The following COX15 variants were observed in gnomAD, a reference collection of about 807,000 sequenced individuals.
The protein encoded by COX15 is heme A synthase COX15.
Under a neutral mutation model 51.9 loss-of-function variants are expected in COX15, and 51 were observed. The observed-to-expected ratio is 0.98, with a 90% CI of 0.78 to 1.24. COX15 has a LOEUF of 1.24. Among genes scored for constraint, COX15 ranks in the 50% most tolerant of loss-of-function variants. The pLI is 0.00. For synonymous variants in COX15, 188 were observed against 190.5 expected, an observed-to-expected ratio of 0.99 and a Z score of 0.11; for missense variants, 420 against 501.1, an observed-to-expected ratio of 0.84 and a Z score of 1.55.
At position 99,729,606 on chromosome 10, in the gene COX15, G is replaced by A. The variant is rs561419279; in HGVS notation, c.219C>T (p.Leu73=). 1.2e-6 allele frequency: 2 copies of A among 1,613,886 alleles called. No individual in the cohort carries two copies. The highest frequency in any genetic ancestry group is 1.7e-6 in the Non-Finnish European group (2 of 1,179,996). ...CAGCCACTGTTCCACTGCAGACCAGGAGCCATCGGCCCACCACCCGCTCAG... is the reference window on the plus strand; with the variant it reads ...CAGCCACTGTTCCACTGCAGACCAGAAGCCATCGGCCCACCACCCGCTCAG... The part of the protein sequence containing the change: ...KAAERVVGRW[L]LVCSGTVAGA... Residue 73 remains leucine, a synonymous_variant, in exon 2 of 9, where the codon CTC becomes CTT. Transcript: ENST00000016171.
chr10:99,717,027 C>T (rs2036601178), intron 7 of COX15, among the ~76,000 whole-genome samples: 1 of 152,162 alleles, frequency 6.6e-6, no homozygotes, highest in Admixed American at 6.5e-5. Flanking sequence ...ATTTATTTCA[C>T]TTCATTTCCT....
In COX15 at chr10:99,713,430, C is replaced by A. The variant is rs2036462932; in HGVS notation, c.*1157G>T. On this transcript the variant is annotated 3_prime_UTR_variant, in exon 9 of 9. Coordinates refer to ENST00000016171, the MANE Select transcript of COX15 (RefSeq NM_078470.6). The stretch of plus-strand genomic sequence containing the variant: ...ATCCTCAAATCAGATGTTTCTGATG[C>A]CTTCATCCAAATCACTGATTTTAAA... The A allele has an allele frequency of 6.2e-7, 1 of 1,613,788 alleles. No homozygotes were observed. Among genetic ancestry groups the A allele is most frequent in the African/African-American group, 1.3e-5 (1 of 74,904 alleles).
chr10:99,715,889 G>T (rs1175291681), intron 8 of COX15, among the ~76,000 whole-genome samples: 1 of 151,328 alleles, frequency 6.6e-6, no homozygotes, highest in African/African-American at 2.4e-5. Flanking sequence ...TGTTTTTGTG[G>T]TAATTGTGTA....
the COX15 span, among the ~76,000 whole-genome samples, chr10:99,701,557 G>A: frequency 6.6e-6 from 1 of 151,452 alleles, no homozygotes; most frequent in African/African-American, 2.4e-5. Flanking sequence ...CAGAGTGCTA[G>A]GATTACAGGT....
chr10:99,704,362 G>T, the COX15 span: 4 of 1,267,108 alleles, frequency 3.2e-6, no homozygotes, highest in Non-Finnish European at 4.5e-6. Context: ...GAATAAATGT[G>T]ATAACACTAC....
At chr10:99,696,246 G>A in the COX15 span, 1 of 1,136,892 alleles carries the variant, frequency 8.8e-7, no homozygotes, top group Non-Finnish European at 1.2e-6. Context: ...GACTACCCCT[G>A]CCAATGGGGT....
Position 99,718,407 on chromosome 10 carries a change from G to A in COX15, c.926C>T (p.Ser309Phe), listed in dbSNP as rs1278838654. The A allele has an allele frequency of 1.9e-5, 30 of 1,613,972 alleles. No individual in the cohort carries two copies. Among genetic ancestry groups the A allele is most frequent in the South Asian group, 2.2e-5 (2 of 91,082 alleles). Reference protein sequence around the residue: ...SWIPEDLFTFSPILRNVFENP... With the variant: ...SWIPEDLFTFFPILRNVFENP... Reference sequence around the variant, plus strand: ...CTCAAAAACATTCCTCAGGATGGGGGAGAAGGTAAAGAGGTCCTCCGGGAT... The same window carrying A: ...CTCAAAAACATTCCTCAGGATGGGGAAGAAGGTAAAGAGGTCCTCCGGGAT... The change falls in exon 7 of 9, where the codon TCC becomes TTC. Residue 309 changes from serine to phenylalanine, a missense_variant. Physicochemically the swap from Ser to Phe is radical, Grantham distance 155. Coordinates refer to ENST00000016171, the MANE Select transcript of COX15 (RefSeq NM_078470.6).
At chr10:99,724,214 C>G in intron 4 of COX15, 91 bp from the exon 5 acceptor site, 1 of 1,413,682 alleles carries the variant, frequency 7.1e-7, no homozygotes, top group Non-Finnish European at 9.9e-7. Flanking sequence ...GACAGAGTCT[C>G]ACTCTGTCAC....
chr10:99,728,351 C>G (rs1235149334), intron 2 of COX15, among the ~76,000 whole-genome samples: 1 of 152,160 alleles, frequency 6.6e-6, no homozygotes, highest in African/African-American at 2.4e-5. Flanking sequence ...AACCTATGAT[C>G]TCATAATGAG....
downstream of COX15, among the ~76,000 whole-genome samples, chr10:99,706,723 C>A (rs1384388153): frequency 6.6e-6 from 1 of 152,016 alleles, no homozygotes; most frequent in African/African-American, 2.4e-5. Context: ...ATTGCTTTTT[C>A]TTTTATTATC....
intron 6 of COX15, among the ~76,000 whole-genome samples, chr10:99,720,747 A>G (rs576183674): frequency 6.6e-6 from 1 of 152,342 alleles, no homozygotes; most frequent in East Asian, 1.9e-4. Context: ...TAGTGAAGCC[A>G]GGATTTGAAC....
chr10:99,696,759 A>G, the COX15 span, among the ~76,000 whole-genome samples: 1 of 152,192 alleles, frequency 6.6e-6, no homozygotes, highest in Non-Finnish European at 1.5e-5. Flanking sequence ...ATCATTAAGC[A>G]CACTGAAGGA....
downstream of COX15, among the ~76,000 whole-genome samples, chr10:99,708,509 C>G (rs117445346): frequency 7.9e-5 from 12 of 152,124 alleles, no homozygotes; most frequent in Non-Finnish European, 1.6e-4. Flanking sequence ...ATCTCTGGTT[C>G]GGTTCTCATC....
chr10:99,727,535 C>G lies in COX15; in HGVS notation c.301G>C (p.Asp101His). 6.2e-7 allele frequency: 1 copy of G among 1,613,870 alleles called. No individual in the cohort carries two copies. Among genetic ancestry groups the G allele is most frequent in the Non-Finnish European group, 8.5e-7 (1 of 1,180,022 alleles). ...RLTESGLSMVDWHLIKEMKPP... is the reference protein window; with the variant it reads ...RLTESGLSMVHWHLIKEMKPP... ...TTCATCTCCTTTATTAAATGCCAAT[C>G]TACCATCGAGAGGCCAGACTCTGTC... The change falls in exon 3 of 9, where the codon GAT (aspartate) becomes CAT (histidine). Residue 101 changes from aspartate to histidine, a missense_variant. By Grantham distance (81) the Asp-to-His change is moderately conservative. Transcript: ENST00000016171.
chr10:99,715,635 T>A (rs1315537872), intron 8 of COX15, among the ~76,000 whole-genome samples: 2 of 145,518 alleles, frequency 1.4e-5, no homozygotes, highest in East Asian at 2.0e-4. Context: ...TGAGACTCCA[T>A]CTCTAAAAAA....
At chr10:99,729,401 A>G in intron 2 of COX15, 152 bp downstream of exon 2, 1 of 802,774 alleles carries the variant, frequency 1.2e-6, no homozygotes, top group Non-Finnish European at 2.1e-6. Context: ...CGGAGGTTGC[A>G]GTCAGCCGAG....
the COX15 span, chr10:99,698,684 C>T: frequency 2.7e-5 from 44 of 1,614,134 alleles, no homozygotes; most frequent in South Asian, 4.8e-4. Context: ...CAATGCTGAG[C>T]CCCCTGCTGG....
rs1338933785 is a variant in COX15, at chr10:99,712,968, T to G, written c.*1619A>C. On this transcript the variant is annotated 3_prime_UTR_variant, in exon 9 of 9. Coordinates refer to ENST00000016171, the MANE Select transcript of COX15 (RefSeq NM_078470.6). Reference sequence around the variant, plus strand: ...TCTGCTCCAGTTAAATATCCCTAGTTCCTTCACCTATTCCCTGTGTGACAG... The same window carrying G: ...TCTGCTCCAGTTAAATATCCCTAGTGCCTTCACCTATTCCCTGTGTGACAG... 1 of 990,808 alleles carries G rather than the reference T, an allele frequency of 1.0e-6. No individual in the cohort carries two copies. Among genetic ancestry groups the G allele is most frequent in the Non-Finnish European group, 1.2e-6 (1 of 821,752 alleles). The allele number at this position is 990,808 out of a possible 1,614,324, so 61.4% of individuals were successfully genotyped here. A position where few individuals can be genotyped will look rare whatever the true frequency, so the allele number is the denominator to read the frequency against.
the COX15 span, among the ~76,000 whole-genome samples, chr10:99,699,812 C>T: frequency 5.9e-5 from 9 of 152,100 alleles, no homozygotes; most frequent in Admixed American, 3.3e-4. Flanking sequence ...GTGATCTGCC[C>T]GCCTTGGCCC....
Sources: gnomAD v4.1 joint callset for allele counts (sites outside exome capture counted in the v4.1 genomes callset) on GRCh38, gnomAD v4.1.1 for gene constraint, MANE v1.5 for transcripts, NCBI Gene and HGNC (gene_info 2026-07-23, HGNC 2026-07-21) for gene names.